Variants in CSMD1 observed in about 807,000 individuals in gnomAD.
CSMD1 encodes CUB and Sushi multiple domains 1, also known as CUB and sushi domain-containing protein 1.
CSMD1 carries 213 observed loss-of-function variants against 417.5 expected under a neutral mutation model. The ratio of observed to expected loss-of-function variants is 0.51; its 90% confidence interval spans 0.46 to 0.57. The LOEUF is 0.57. Ranked by LOEUF, CSMD1 falls within the 20% of genes least tolerant of loss-of-function variation. CSMD1 has a pLI of 0.00. For synonymous variants in CSMD1, 2,862 were observed against 1,736.8 expected (o/e 1.65, Z -16.11); for missense variants, 6,923 against 4,529.7 (o/e 1.53, Z -15.17).
intron 6 of CSMD1, among the ~76,000 whole-genome samples, chr8:3,753,296 C>A (rs1413931676): frequency 6.6e-6 from 1 of 152,108 alleles, no homozygotes; most frequent in Non-Finnish European, 1.5e-5. Context: ...TAGTTTTTTG[C>A]TGTGTTAATA....
At chr8:3,460,188 G>T (rs1458784709) in intron 12 of CSMD1, among the ~76,000 whole-genome samples, 1 of 152,182 alleles carries the variant, frequency 6.6e-6, no homozygotes, top group East Asian at 1.9e-4. Context: ...GCTTATTGGG[G>T]AAAGTAAACT....
At chr8:4,115,390 T>A (rs992884447) in intron 3 of CSMD1, among the ~76,000 whole-genome samples, 2 of 152,250 alleles carry the variant, frequency 1.3e-5, no homozygotes, top group African/African-American at 4.8e-5. Context: ...AATTTTCATA[T>A]GCACTAAGCC....
At chr8:3,980,248 C>G (rs1813747644) in intron 5 of CSMD1, among the ~76,000 whole-genome samples, 2 of 152,154 alleles carry the variant, frequency 1.3e-5, no homozygotes, top group African/African-American at 2.4e-5. Context: ...GGGAACTTAA[C>G]TATTAGGGGA....
intron 49 of CSMD1, among the ~76,000 whole-genome samples, chr8:3,055,895 C>A (rs1230382037): frequency 6.6e-6 from 1 of 152,152 alleles, no homozygotes; most frequent in Non-Finnish European, 1.5e-5. Flanking sequence ...TTCTTACGCT[C>A]AGGTTATTAA....
chr8:3,330,146 G>T (rs1806797345), intron 23 of CSMD1, among the ~76,000 whole-genome samples: 1 of 152,098 alleles, frequency 6.6e-6, no homozygotes, highest in South Asian at 2.1e-4. Context: ...TGTCATTCAA[G>T]AGATTTCTCC....
At chr8:3,386,533 T>C (rs1290346053) in intron 18 of CSMD1, among the ~76,000 whole-genome samples, 3 of 152,358 alleles carry the variant, frequency 2.0e-5, no homozygotes, top group Middle Eastern at 3.4e-3. Context: ...TGATCTGCAG[T>C]TAAGCAGAAT....
At chr8:4,439,718 G>C (rs776397110) in intron 2 of CSMD1, among the ~76,000 whole-genome samples, 3 of 152,124 alleles carry the variant, frequency 2.0e-5, no homozygotes, top group Non-Finnish European at 4.4e-5. Flanking sequence ...GTTAGGTTTT[G>C]AAATAAGTAA....
At chr8:4,808,876 C>A (rs1267241770) in intron 1 of CSMD1, among the ~76,000 whole-genome samples, 1 of 152,204 alleles carries the variant, frequency 6.6e-6, no homozygotes, top group Non-Finnish European at 1.5e-5. Context: ...AAGTCTGGAT[C>A]CAATATTCTT....
At chr8:3,246,965 T>G (rs994542994) in intron 26 of CSMD1, among the ~76,000 whole-genome samples, 1 of 152,208 alleles carries the variant, frequency 6.6e-6, no homozygotes, top group African/African-American at 2.4e-5. Flanking sequence ...TATAGAACTT[T>G]TGTAAGTGAA....
chr8:3,017,326 G>C lies in CSMD1; in HGVS notation c.8029+1151C>G, dbSNP rs1226798091. 5.3e-5 allele frequency among the ~76,000 whole-genome samples: 8 copies of C among 152,236 alleles called. 1 individual carries two copies. In the South Asian group the frequency reaches 1.4e-3, roughly 28 times the overall value. On this transcript the variant is annotated intron_variant, in intron 52 of 69. Coordinates refer to ENST00000635120, the MANE Select transcript of CSMD1 (RefSeq NM_033225.6). The stretch of plus-strand genomic sequence containing the variant: ...TAGCCAATTTCAGAAGGATATTTAG[G>C]AATGCATGGAAACTCCTAGAAGGAC...
At chr8:3,568,304 C>T (rs2116905071) in intron 10 of CSMD1, among the ~76,000 whole-genome samples, 1 of 152,198 alleles carries the variant, frequency 6.6e-6, no homozygotes, top group East Asian at 1.9e-4. Context: ...GTGCTGTTGT[C>T]AATGGCAGAA....
At chr8:3,577,951 G>A (rs1323370092) in intron 9 of CSMD1, among the ~76,000 whole-genome samples, 2 of 152,110 alleles carry the variant, frequency 1.3e-5, no homozygotes, top group African/African-American at 2.4e-5. Context: ...TGTGGCTTGA[G>A]CTGTTGTGAT....
intron 16 of CSMD1, among the ~76,000 whole-genome samples, chr8:3,399,032 G>C (rs1039492): frequency 3.3e-5 from 5 of 151,850 alleles, no homozygotes; most frequent in Non-Finnish European, 7.4e-5. Flanking sequence ...CTCTACCACA[G>C]AAGACACCTA....
At chr8:4,014,620 C>A (rs1304147717) in intron 4 of CSMD1, among the ~76,000 whole-genome samples, 1 of 152,146 alleles carries the variant, frequency 6.6e-6, no homozygotes, top group East Asian at 1.9e-4. Context: ...AATATTAGCC[C>A]AACTTAACAA....
intron 1 of CSMD1, among the ~76,000 whole-genome samples, chr8:4,698,542 T>C (rs1807284863): frequency 6.6e-6 from 1 of 152,048 alleles, no homozygotes; most frequent in Non-Finnish European, 1.5e-5. Context: ...GAAGTTTATT[T>C]TTGAGACAGG....
intron 3 of CSMD1, among the ~76,000 whole-genome samples, chr8:4,319,783 G>A (rs192989010): frequency 6.6e-6 from 1 of 152,216 alleles, no homozygotes; most frequent in East Asian, 1.9e-4. Context: ...AAATACCAGA[G>A]AGAGAAGAGA....
rs373326001 is a variant in CSMD1, at chr8:3,553,451, T to C, written c.1344+21494A>G. ...TATGTCTATTCAGTTCCTCAGTTTCTTCCCTACTATGAAAAAAATTTGAAG... is the reference window on the plus strand; with the variant it reads ...TATGTCTATTCAGTTCCTCAGTTTCCTCCCTACTATGAAAAAAATTTGAAG... On this transcript the variant is annotated intron_variant, in intron 10 of 69. Transcript: ENST00000635120. Among the ~76,000 whole-genome samples, 24 of 152,334 alleles carry C rather than the reference T, an allele frequency of 1.6e-4. No individual in the cohort carries two copies. In the East Asian group the frequency reaches 2.1e-3, roughly 13 times the overall value.
intron 10 of CSMD1, among the ~76,000 whole-genome samples, chr8:3,523,926 T>C (rs1232269500): frequency 2.1e-5 from 3 of 143,524 alleles, no homozygotes; most frequent in Non-Finnish European, 3.0e-5. Context: ...CACACACATA[T>C]GCATGCACAC....
chr8:4,392,586 C>G (rs1428104186), intron 3 of CSMD1, among the ~76,000 whole-genome samples: 3 of 151,608 alleles, frequency 2.0e-5, no homozygotes, highest in South Asian at 4.2e-4. Flanking sequence ...TGGCTTTCAT[C>G]TGAATTTGCT....
Sources: gnomAD v4.1 joint callset for allele counts (sites outside exome capture counted in the v4.1 genomes callset) on GRCh38, gnomAD v4.1.1 for gene constraint, MANE v1.5 for transcripts, NCBI Gene and HGNC (gene_info 2026-07-23, HGNC 2026-07-21) for gene names.